SLC4A4: variants seen among roughly 807,000 people sequenced by gnomAD.
SLC4A4 encodes solute carrier family 4 member 4.
SLC4A4 carries 27 observed loss-of-function variants against 111.5 expected under a neutral mutation model. The ratio of observed to expected loss-of-function variants is 0.24; its 90% confidence interval spans 0.18 to 0.33. The LOEUF is 0.33. SLC4A4 is among the 10% of genes least tolerant of loss of function. The probability of loss-of-function intolerance (pLI) is 1.00; values close to 1 mark genes in which losing one functional copy is unlikely to be tolerated. For synonymous variants in SLC4A4, 443 were observed against 463.4 expected, an observed-to-expected ratio of 0.96 and a Z score of 0.57; for missense variants, 909 against 1,315.5, an observed-to-expected ratio of 0.69 and a Z score of 4.78.
At chr4:71,472,175 A>G (rs192904125) in intron 13 of SLC4A4, among the ~76,000 whole-genome samples, 5 of 152,014 alleles carry the variant, frequency 3.3e-5, no homozygotes, top group African/African-American at 1.2e-4. Flanking sequence ...CTGCGACTTC[A>G]TCTTTCCTTC....
intron 3 of SLC4A4, among the ~76,000 whole-genome samples, chr4:71,304,925 T>C (rs556502473): frequency 6.6e-6 from 1 of 152,356 alleles, no homozygotes; most frequent in East Asian, 1.9e-4. Context: ...AATTCCAGCA[T>C]AGTTGTTTTA....
chr4:71,077,892 G>A (rs1181848020), intron 1 of SLC4A4, among the ~76,000 whole-genome samples: 1 of 152,104 alleles, frequency 6.6e-6, no homozygotes, highest in African/African-American at 2.4e-5. Context: ...GCAAAAGAAT[G>A]TCTATCTAGC....
At chr4:71,397,456 T>C (rs1719926341) in intron 6 of SLC4A4, 121 bp from the exon 7 acceptor site, 2 of 872,048 alleles carry the variant, frequency 2.3e-6, no homozygotes, top group East Asian at 5.0e-5. Context: ...AGAATCCTAG[T>C]GTGGTTAAAA....
chr4:71,272,098 T>C (rs185588054), intron 3 of SLC4A4, among the ~76,000 whole-genome samples: 21 of 152,332 alleles, frequency 1.4e-4, no homozygotes, highest in Admixed American at 1.4e-3. Context: ...ATTAACTAAA[T>C]GCAAGTATAT....
chr4:71,309,782 A>G (rs1350600944), intron 3 of SLC4A4, among the ~76,000 whole-genome samples: 2 of 152,120 alleles, frequency 1.3e-5, no homozygotes, highest in Non-Finnish European at 2.9e-5. Context: ...TCTCCTTCAA[A>G]TGATCGCAAC....
intron 16 of SLC4A4, among the ~76,000 whole-genome samples, chr4:71,523,369 T>C (rs1026191687): frequency 8.5e-5 from 13 of 152,196 alleles, no homozygotes; most frequent in Admixed American, 2.0e-4. Context: ...TTCTTAAGAA[T>C]GACAAAGGGA....
At chr4:71,303,738 GTCT>G (rs143354464) in intron 3 of SLC4A4, among the ~76,000 whole-genome samples, 2,737 of 151,024 alleles carry the variant, frequency 0.018, 32 homozygotes, top group Middle Eastern at 0.037. Context: ...TCTTCCCTTC[GTCT>G]TCTTCTTTTA....
chr4:71,394,767 A>T (rs1337792437), intron 6 of SLC4A4, among the ~76,000 whole-genome samples: 1 of 152,156 alleles, frequency 6.6e-6, no homozygotes, highest in Non-Finnish European at 1.5e-5. Context: ...AATTAATGGC[A>T]TTTGCAGTGA....
At chr4:71,132,753 T>G (rs1394753156) in intron 2 of SLC4A4, among the ~76,000 whole-genome samples, 1 of 152,210 alleles carries the variant, frequency 6.6e-6, no homozygotes, top group African/African-American at 2.4e-5. Context: ...TAGTTGGAAT[T>G]TTCTAAGTAA....
At chr4:71,432,835 T>C (rs1723765597) in intron 7 of SLC4A4, among the ~76,000 whole-genome samples, 1 of 152,124 alleles carries the variant, frequency 6.6e-6, no homozygotes, top group Non-Finnish European at 1.5e-5. Flanking sequence ...GTTGAAAATG[T>C]TGGTATAACC....
At chr4:71,129,521 T>TG in intron 2 of SLC4A4, among the ~76,000 whole-genome samples, 1 of 152,276 alleles carries the variant, frequency 6.6e-6, no homozygotes. Flanking sequence ...CTGGTGGGAA[T>TG]GTAAATGAGT....
intron 7 of SLC4A4, among the ~76,000 whole-genome samples, chr4:71,405,053 C>T (rs1349102557): frequency 6.6e-6 from 1 of 151,776 alleles, no homozygotes; most frequent in Non-Finnish European, 1.5e-5. Context: ...TGGGCTCAAG[C>T]GATCTGCCTG....
intron 1 of SLC4A4, among the ~76,000 whole-genome samples, chr4:71,088,849 A>C (rs1016393905): frequency 1.3e-5 from 2 of 151,864 alleles, no homozygotes; most frequent in Non-Finnish European, 2.9e-5. Flanking sequence ...TTTTTCCTTC[A>C]TTTCAACTTT....
intron 3 of SLC4A4, among the ~76,000 whole-genome samples, chr4:71,272,137 A>C (rs1285102742): frequency 6.6e-6 from 1 of 152,148 alleles, no homozygotes; most frequent in Admixed American, 6.5e-5. Context: ...TACTTTATCC[A>C]AGGATATGTT....
intron 16 of SLC4A4, among the ~76,000 whole-genome samples, chr4:71,526,304 T>C (rs949579607): frequency 1.3e-5 from 2 of 152,084 alleles, no homozygotes; most frequent in Non-Finnish European, 2.9e-5. Context: ...CTGCTGTAAT[T>C]AAACTAATAT....
At chr4:71,482,184 T>C (rs192474829) in intron 14 of SLC4A4, among the ~76,000 whole-genome samples, 267 of 151,822 alleles carry the variant, frequency 1.8e-3, no homozygotes, top group African/African-American at 6.0e-3. Flanking sequence ...AATTTACTTT[T>C]AATCTTGTTT....
At chr4:71,197,437 T>C (rs1348640036) in intron 1 of SLC4A4, among the ~76,000 whole-genome samples, 1 of 152,226 alleles carries the variant, frequency 6.6e-6, no homozygotes, top group Admixed American at 6.5e-5. Context: ...ATTTGATCTG[T>C]TCTTTGAGTT....
At chr4:71,418,505 T>C (rs1484955892) in intron 7 of SLC4A4, among the ~76,000 whole-genome samples, 4 of 152,234 alleles carry the variant, frequency 2.6e-5, no homozygotes, top group Admixed American at 2.0e-4. Flanking sequence ...TTAAAAGTGA[T>C]TGTCTAAATT....
At chr4:71,073,077 T>G (rs1435393251) in intron 1 of SLC4A4, among the ~76,000 whole-genome samples, 1 of 152,118 alleles carries the variant, frequency 6.6e-6, no homozygotes, top group East Asian at 1.9e-4. Context: ...TTCCTTTGGA[T>G]TTTTAAACTG....
Sources: allele counts gnomAD v4.1 joint callset (sites outside exome capture counted in the v4.1 genomes callset), GRCh38; gene constraint gnomAD v4.1.1; transcripts MANE v1.5; gene names NCBI Gene and HGNC (gene_info 2026-07-23, HGNC 2026-07-21).